The following KCNMA1 variants were observed in gnomAD, a reference collection of about 807,000 sequenced individuals.
KCNMA1 encodes Calcium-activated potassium channel subunit alpha-1.
Under a neutral mutation model 140.0 loss-of-function variants are expected in KCNMA1, and 29 were observed. The ratio of observed to expected loss-of-function variants is 0.21; its 90% CI spans 0.15 to 0.28. The LOEUF is 0.28. Ranked by LOEUF, KCNMA1 falls within the 10% of genes least tolerant of loss-of-function variation. KCNMA1 has a pLI of 1.00. For synonymous variants in KCNMA1, 612 were observed against 611.9 expected (o/e 1.00, Z 0.00); for missense variants, 880 against 1,602.2 (o/e 0.55, Z 7.70).
intron 2 of KCNMA1, among the ~76,000 whole-genome samples, chr10:77,272,538 T>C (rs1026716447): frequency 6.6e-6 from 1 of 152,176 alleles, no homozygotes; most frequent in Admixed American, 6.5e-5. Context: ...TACTTGTTGA[T>C]GAATGACTGG....
intron 3 of KCNMA1, among the ~76,000 whole-genome samples, chr10:77,188,533 T>C (rs984462418): frequency 2.0e-5 from 3 of 152,182 alleles, no homozygotes; most frequent in Admixed American, 6.5e-5. Flanking sequence ...CTGAGCACCT[T>C]CAAAAGAGCC....
chr10:77,382,031 C>A (rs189157171), intron 2 of KCNMA1, among the ~76,000 whole-genome samples: 1 of 152,292 alleles, frequency 6.6e-6, no homozygotes, highest in African/African-American at 2.4e-5. Context: ...CACTGAGCTA[C>A]AACAAGGCTC....
At chr10:77,552,924 C>G (rs2063208719) in intron 1 of KCNMA1, among the ~76,000 whole-genome samples, 1 of 152,196 alleles carries the variant, frequency 6.6e-6, no homozygotes, top group South Asian at 2.1e-4. Context: ...TGGTGCACAC[C>G]TGTAGTCCCA....
intron 2 of KCNMA1, among the ~76,000 whole-genome samples, chr10:77,334,728 C>G (rs561622340): frequency 8.5e-5 from 13 of 152,108 alleles, no homozygotes; most frequent in Non-Finnish European, 1.5e-4. Flanking sequence ...TGAACCAGTT[C>G]TGTCTGACAG....
At chr10:77,273,406 A>G (rs912491629) in intron 2 of KCNMA1, among the ~76,000 whole-genome samples, 2 of 152,242 alleles carry the variant, frequency 1.3e-5, no homozygotes, top group African/African-American at 4.8e-5. Context: ...TACTTATTAC[A>G]TTACATGAAG....
At chr10:77,505,578 C>G (rs572061404) in intron 1 of KCNMA1, among the ~76,000 whole-genome samples, 2 of 152,234 alleles carry the variant, frequency 1.3e-5, no homozygotes, top group African/African-American at 4.8e-5. Flanking sequence ...GCTTTAGCCC[C>G]AGGCCATGAA....
intron 9 of KCNMA1, among the ~76,000 whole-genome samples, chr10:77,100,793 A>G (rs527374303): frequency 4.1e-4 from 63 of 152,336 alleles, no homozygotes; most frequent in African/African-American, 1.4e-3. Flanking sequence ...GATTCACCCA[A>G]TCAAAGGAGC....
chr10:76,900,354 GA>G (rs2044599289), intron 25 of KCNMA1, among the ~76,000 whole-genome samples: 1 of 151,910 alleles, frequency 6.6e-6, no homozygotes, highest in African/African-American at 2.4e-5. Context: ...CTTCCAGAGG[GA>G]AAAATAATGC....
chr10:77,364,115 T>G (rs2094181530), intron 2 of KCNMA1, among the ~76,000 whole-genome samples: 1 of 152,202 alleles, frequency 6.6e-6, no homozygotes, highest in Non-Finnish European at 1.5e-5. Context: ...CACTTATAAT[T>G]AAAATGCCAA....
chr10:77,183,252 G>T (rs944509204), intron 5 of KCNMA1, among the ~76,000 whole-genome samples, 169 bp downstream of exon 5: 7 of 152,172 alleles, frequency 4.6e-5, no homozygotes, highest in Non-Finnish European at 2.9e-5. Flanking sequence ...TGGGGCTAGT[G>T]CTCCAAAGAG....
chr10:77,002,121 C>T (rs566458919), intron 18 of KCNMA1, among the ~76,000 whole-genome samples: 47 of 152,252 alleles, frequency 3.1e-4, no homozygotes, highest in Admixed American at 2.0e-3. Flanking sequence ...AGATGTGAAA[C>T]GATTACGTGT....
intron 1 of KCNMA1, among the ~76,000 whole-genome samples, chr10:77,483,400 G>T (rs1326008467): frequency 2.6e-5 from 4 of 152,308 alleles, no homozygotes; most frequent in Admixed American, 6.5e-5. Flanking sequence ...GAGCCGGGGT[G>T]GTGACACAGG....
chr10:77,566,073 C>T (rs2719979), intron 1 of KCNMA1, among the ~76,000 whole-genome samples: 110,201 of 152,164 alleles, frequency 0.72, 40,409 homozygotes, highest in South Asian at 0.85. Flanking sequence ...CAAACAAGAT[C>T]AGGCAGCAGT....
chr10:76,955,150 T>C (rs577175179), intron 20 of KCNMA1, among the ~76,000 whole-genome samples: 1 of 152,262 alleles, frequency 6.6e-6, no homozygotes, highest in South Asian at 2.1e-4. Flanking sequence ...GATTTTACCT[T>C]TTGAAATTCT....
At chr10:77,636,283 A>G (rs2093715574) in intron 1 of KCNMA1, 3 of 1,460,970 alleles carry the variant, frequency 2.1e-6, no homozygotes, top group Non-Finnish European at 2.7e-6. Flanking sequence ...GGGGAAGGGA[A>G]GACATCTCTA....
intron 2 of KCNMA1, among the ~76,000 whole-genome samples, chr10:77,358,237 T>C (rs1451788521): frequency 6.6e-6 from 1 of 152,116 alleles, no homozygotes; most frequent in Non-Finnish European, 1.5e-5. Flanking sequence ...CCCAGAGCCT[T>C]AGGTGGGGCT....
At chr10:77,384,086 A>C (rs1415228649) in intron 2 of KCNMA1, among the ~76,000 whole-genome samples, 5 of 152,214 alleles carry the variant, frequency 3.3e-5, no homozygotes, top group African/African-American at 1.2e-4. Context: ...ATGGTTCTAG[A>C]TCAGCCTCTC....
intron 1 of KCNMA1, among the ~76,000 whole-genome samples, chr10:77,441,555 C>T (rs987361932): frequency 6.6e-6 from 1 of 152,012 alleles, no homozygotes; most frequent in Admixed American, 6.6e-5. Flanking sequence ...GATCCAAAGT[C>T]CCCCCACCCC....
chr10:77,316,089 A>G (rs1474995182), intron 2 of KCNMA1, among the ~76,000 whole-genome samples: 1 of 152,198 alleles, frequency 6.6e-6, no homozygotes, highest in Non-Finnish European at 1.5e-5. Context: ...TAGTGTCTTG[A>G]ATACTGTGTC....
Sources: gnomAD v4.1 joint callset for allele counts (sites outside exome capture counted in the v4.1 genomes callset) on GRCh38, gnomAD v4.1.1 for gene constraint, MANE v1.5 for transcripts, NCBI Gene and HGNC (gene_info 2026-07-23, HGNC 2026-07-21) for gene names.